The following SORCS2 variants were observed in gnomAD, a reference collection of about 807,000 sequenced individuals.
SORCS2 encodes sortilin related VPS10 domain containing receptor 2.
A neutral mutation model predicts 141.6 loss-of-function variants in SORCS2; 100 were observed. That is an observed-to-expected ratio of 0.71 (90% confidence interval 0.60 to 0.83). SORCS2 has a LOEUF of 0.83. Among genes scored for constraint, SORCS2 ranks in the 40% least tolerant of loss-of-function variants. SORCS2 has a pLI of 0.00. For synonymous variants in SORCS2, 789 were observed against 676.9 expected, an observed-to-expected ratio of 1.17 and a Z score of -2.57; for missense variants, 1,646 against 1,560.2, an observed-to-expected ratio of 1.05 and a Z score of -0.93.
In SORCS2 at chr4:7,597,993, G is replaced by A. The variant is rs956501781; in HGVS notation, c.649-40335G>A. On this transcript the variant is annotated intron_variant, in intron 3 of 26. Coordinates refer to ENST00000507866, the MANE Select transcript of SORCS2 (RefSeq NM_020777.3). The stretch of plus-strand genomic sequence containing the variant: ...TTTTTTTTTTTTTTTTTTTAATATG[G>A]AGTCTTGCCCTGTTGCCCAGGCTGG... 1.8e-4 allele frequency among the ~76,000 whole-genome samples: 26 copies of A among 146,542 alleles called. 1 individual carries two copies. The highest frequency in any genetic ancestry group is 6.8e-5 in the Admixed American group (1 of 14,700).
intron 17 of SORCS2, 149 bp downstream of exon 17, chr4:7,715,460 G>A (rs906413440): frequency 1.3e-5 from 15 of 1,199,624 alleles, no homozygotes; most frequent in Middle Eastern, 2.4e-4. Flanking sequence ...GATGCCCCAC[G>A]CTCACAGCAC....
chr4:7,733,724 A>T (rs1711899304), intron 24 of SORCS2, among the ~76,000 whole-genome samples: 1 of 152,188 alleles, frequency 6.6e-6, no homozygotes, highest in Non-Finnish European at 1.5e-5. Flanking sequence ...TTTGGGGCAA[A>T]AGCCTTTGCA....
intron 25 of SORCS2, among the ~76,000 whole-genome samples, chr4:7,736,526 G>A (rs1457174307): frequency 1.3e-5 from 2 of 152,168 alleles, no homozygotes; most frequent in African/African-American, 2.4e-5. Flanking sequence ...GTGCATGAAG[G>A]AGCCTGGCCC....
intron 3 of SORCS2, among the ~76,000 whole-genome samples, chr4:7,543,492 CAT>C (rs1712873451): frequency 5.7e-5 from 1 of 17,398 alleles, no homozygotes; most frequent in Admixed American, 9.5e-4. Context: ...CCCACTCATC[CAT>C]CCATCCATCC....
chr4:7,636,963 A>G (rs567735403), intron 3 of SORCS2, among the ~76,000 whole-genome samples: 79 of 152,046 alleles, frequency 5.2e-4, no homozygotes, highest in South Asian at 3.6e-3. Flanking sequence ...GCTGCCAGCA[A>G]TTCATGGCCG....
chr4:7,438,683 T>C (rs1001726795), intron 2 of SORCS2, among the ~76,000 whole-genome samples: 4 of 152,086 alleles, frequency 2.6e-5, no homozygotes, highest in Non-Finnish European at 4.4e-5. Context: ...TCCTTTTTTC[T>C]TTTTTAAAAG....
At chr4:7,524,808 A>C (rs1030050198) in intron 2 of SORCS2, among the ~76,000 whole-genome samples, 1 of 149,920 alleles carries the variant, frequency 6.7e-6, no homozygotes, top group Admixed American at 6.6e-5. Flanking sequence ...ACTGCTTGCC[A>C]GCCAGTTTCA....
intron 22 of SORCS2, 35 bp from the exon 23 acceptor site, chr4:7,729,552 A>G: frequency 6.4e-7 from 1 of 1,557,908 alleles, no homozygotes; most frequent in Non-Finnish European, 8.7e-7. Context: ...AATGAGGAAG[A>G]CAGGCGGACC....
At chr4:7,623,542 G>A (rs1184739369) in intron 3 of SORCS2, among the ~76,000 whole-genome samples, 1 of 152,082 alleles carries the variant, frequency 6.6e-6, no homozygotes, top group Non-Finnish European at 1.5e-5. Context: ...GGAGCCGGGG[G>A]CCTTCCAAAC....
At chr4:7,224,528 G>A (rs1372901220) in intron 1 of SORCS2, among the ~76,000 whole-genome samples, 1 of 152,204 alleles carries the variant, frequency 6.6e-6, no homozygotes, top group African/African-American at 2.4e-5. Flanking sequence ...ACCCATGGTG[G>A]TCCATGGCTG....
chr4:7,384,819 A>G (rs979034667), intron 1 of SORCS2, among the ~76,000 whole-genome samples: 1 of 152,244 alleles, frequency 6.6e-6, no homozygotes, highest in Non-Finnish European at 1.5e-5. Context: ...ACGGGCACGT[A>G]GAAGGGCCAG....
In SORCS2 at chr4:7,676,115, G is replaced by T. The variant is rs778265671; in HGVS notation, c.1227G>T (p.Met409Ile). 6.3e-7 allele frequency: 1 copy of T among 1,584,988 alleles called. No individual in the cohort carries two copies. The highest frequency in any genetic ancestry group is 2.3e-5 in the East Asian group (1 of 43,432). The change falls in exon 9 of 27, where the codon ATG (methionine) becomes ATT (isoleucine). Residue 409 changes from methionine to isoleucine, a missense_variant. Transcript: ENST00000507866. ...TGGCGGTGCAGGAGTGGTACCAGAT[G>T]GACACCTACAACCTGTACCAGTCGG... ...VFVAVQEWYQ[M>I]DTYNLYQSDP...
intron 1 of SORCS2, among the ~76,000 whole-genome samples, chr4:7,211,726 A>T (rs1268418773): frequency 6.6e-6 from 1 of 152,254 alleles, no homozygotes; most frequent in East Asian, 1.9e-4. Flanking sequence ...AAGGACATAC[A>T]GACCATTAGG....
At chr4:7,401,177 G>A (rs1724566780) in intron 2 of SORCS2, among the ~76,000 whole-genome samples, 1 of 151,668 alleles carries the variant, frequency 6.6e-6, no homozygotes, top group African/African-American at 2.4e-5. Context: ...GTGGATTGAT[G>A]GATGGATGGA....
Position 7,702,000 on chromosome 4 carries a change from C to T in SORCS2, c.1669-1280C>T, listed in dbSNP as rs544987407. 2.9e-3 allele frequency among the ~76,000 whole-genome samples: 223 copies of T among 77,876 alleles called. 1 individual carries two copies. Among genetic ancestry groups the T allele is most frequent in the African/African-American group, 9.2e-3 (212 of 23,046 alleles). The allele number at this position is 77,876 out of a possible 152,430, so 51.1% of individuals were successfully genotyped here. A position where few individuals can be genotyped will look rare whatever the true frequency, so the allele number is the denominator to read the frequency against. ...CTTCCTTATCCCGCCCCACATGGCA[C>T]GAAGTTGCTGCATGCTTGTTCCTGG... On this transcript the variant is annotated intron_variant, in intron 12 of 26. Coordinates refer to ENST00000507866, the MANE Select transcript of SORCS2 (RefSeq NM_020777.3).
chr4:7,244,704 A>G (rs1268098619), intron 1 of SORCS2, among the ~76,000 whole-genome samples: 3 of 152,138 alleles, frequency 2.0e-5, no homozygotes, highest in Non-Finnish European at 4.4e-5. Flanking sequence ...ACTCTCACCC[A>G]TTCCTACCCT....
chr4:7,704,058 G>A (rs1327634520), intron 13 of SORCS2, 119 bp from the exon 14 acceptor site: 3 of 776,686 alleles, frequency 3.9e-6, no homozygotes, highest in South Asian at 1.5e-5. Context: ...GGTATCACCT[G>A]CACTGGCAAG....
At chr4:7,624,855 C>G (rs184632177) in intron 3 of SORCS2, among the ~76,000 whole-genome samples, 152 of 152,378 alleles carry the variant, frequency 1.0e-3, no homozygotes, top group African/African-American at 3.5e-3. Flanking sequence ...CGTATTCACT[C>G]TAGAGCCTCA....
chr4:7,516,422 C>A (rs1732983359), intron 2 of SORCS2, among the ~76,000 whole-genome samples: 1 of 152,104 alleles, frequency 6.6e-6, no homozygotes, highest in Non-Finnish European at 1.5e-5. Flanking sequence ...GTGCTGGGAC[C>A]CTGCAGGTTG....
Sources: gnomAD v4.1 joint callset for allele counts (sites outside exome capture counted in the v4.1 genomes callset) on GRCh38, gnomAD v4.1.1 for gene constraint, MANE v1.5 for transcripts, NCBI Gene and HGNC (gene_info 2026-07-23, HGNC 2026-07-21) for gene names.